DENND1A: variants seen among roughly 807,000 people sequenced by gnomAD.
DENND1A encodes DENN domain-containing protein 1A.
In DENND1A, 51 loss-of-function variants were observed where a neutral mutation model predicts 113.7. The ratio of observed to expected loss-of-function variants is 0.45; its 90% CI spans 0.36 to 0.57. DENND1A has a LOEUF of 0.57. DENND1A is among the 20% of genes least tolerant of loss of function. The pLI, the probability that DENND1A is intolerant of heterozygous loss-of-function variation, is 0.00. For missense variants in DENND1A, 1,258 were observed against 1,395.9 expected (o/e 0.90, Z 1.57); for synonymous variants, 565 against 570.8 (o/e 0.99, Z 0.14).
chr9:123,752,253 T>C (rs978834365), intron 5 of DENND1A, among the ~76,000 whole-genome samples: 5 of 152,206 alleles, frequency 3.3e-5, no homozygotes, highest in East Asian at 1.9e-4. Flanking sequence ...TTAAGGGACC[T>C]TGAAACAAGT....
chr9:123,507,825 AAAATAAATAAAT>A (rs35086659), intron 13 of DENND1A, among the ~76,000 whole-genome samples: 8 of 148,850 alleles, frequency 5.4e-5, no homozygotes, highest in East Asian at 3.9e-4. Context: ...AACCTATCTC[AAAATAAATAAAT>A]AAATAAATAA....
At chr9:123,386,384 T>TTC (rs1554792093) in intron 22 of DENND1A, among the ~76,000 whole-genome samples, 106 of 148,352 alleles carry the variant, frequency 7.1e-4, no homozygotes, top group African/African-American at 2.4e-3. Flanking sequence ...TTTCTTTCTT[T>TTC]TTTTTTTTTT....
At position 123,422,213 on chromosome 9, in the gene DENND1A, G is replaced by C. The variant is rs2045364090; in HGVS notation, c.1489-10384C>G. ...GTGGGGAACTAGCATCAAATTATCA[G>C]TGAAGCCATCACCCAGCATCTGAAT... On this transcript the variant is annotated intron_variant, in intron 19 of 23. Coordinates refer to ENST00000394215, the MANE Select transcript of DENND1A (RefSeq NM_001352964.2). The surrounding 1 kb of genome is among the most constrained non-coding windows in gnomAD (Gnocchi z 4.8). 6.6e-6 allele frequency among the ~76,000 whole-genome samples: 1 copy of C among 152,180 alleles called. No homozygotes were observed. Among genetic ancestry groups the C allele is most frequent in the South Asian group, 2.1e-4 (1 of 4,828 alleles).
intron 2 of DENND1A, among the ~76,000 whole-genome samples, chr9:123,818,181 T>C (rs1208772084): frequency 1.3e-5 from 2 of 151,918 alleles, no homozygotes; most frequent in Non-Finnish European, 2.9e-5. Context: ...CTCGGCTCAC[T>C]GCAAGCTCCG....
At chr9:123,898,135 G>A (rs1234112900) in intron 1 of DENND1A, among the ~76,000 whole-genome samples, 1 of 152,062 alleles carries the variant, frequency 6.6e-6, no homozygotes, top group African/African-American at 2.4e-5. Context: ...TCTATTGGGG[G>A]TGTAGGAGCT....
At chr9:123,410,128 G>A (rs2131492138) in intron 20 of DENND1A, among the ~76,000 whole-genome samples, 1 of 152,296 alleles carries the variant, frequency 6.6e-6, no homozygotes, top group East Asian at 1.9e-4. Flanking sequence ...CTCTTACTGT[G>A]TGTGTTCTGC....
At chr9:123,615,630 A>C (rs1469068732) in intron 10 of DENND1A, among the ~76,000 whole-genome samples, 1 of 152,164 alleles carries the variant, frequency 6.6e-6, no homozygotes, top group African/African-American at 2.4e-5. Context: ...AGTCCTACTG[A>C]AGCCATGCTG....
At chr9:123,844,647 A>C (rs190677792) in intron 2 of DENND1A, among the ~76,000 whole-genome samples, 11 of 152,290 alleles carry the variant, frequency 7.2e-5, no homozygotes, top group South Asian at 2.1e-4. Context: ...ATCCTCCCCA[A>C]ATGAATCTAC....
intron 13 of DENND1A, among the ~76,000 whole-genome samples, chr9:123,495,961 G>A (rs565693079): frequency 6.6e-6 from 1 of 152,344 alleles, no homozygotes; most frequent in Admixed American, 6.5e-5. Flanking sequence ...CCACTCAAAT[G>A]TCCTGAATGC....
chr9:123,728,780 T>A (rs538173851), intron 5 of DENND1A, among the ~76,000 whole-genome samples: 16 of 152,290 alleles, frequency 1.1e-4, no homozygotes, highest in East Asian at 5.8e-4. Context: ...ATCAGCATAA[T>A]CCTGATACCA....
intron 20 of DENND1A, among the ~76,000 whole-genome samples, chr9:123,407,253 G>C (rs1588372215): frequency 6.6e-6 from 1 of 152,154 alleles, no homozygotes; most frequent in South Asian, 2.1e-4. Context: ...TTGGTCACCA[G>C]CATGGCTGCC....
At position 123,667,049 on chromosome 9, in the gene DENND1A, C is replaced by T. The variant is rs771958156; in HGVS notation, c.484G>A (p.Glu162Lys). 1.3e-6 allele frequency: 2 copies of T among 1,598,114 alleles called. No individual in the cohort carries two copies. The highest frequency in any genetic ancestry group is 1.8e-5 in the Admixed American group (1 of 56,424). ...ACATTCTCAGGTATGCTGGGAAGTT[C>T]TCTGGTATCAGGCACAGTAAAATAA... Reference protein sequence around the residue: ...HSYFTVPDTRELPSIPENRNL... With the variant: ...HSYFTVPDTRKLPSIPENRNL... Residue 162 changes from glutamate to lysine, a missense_variant, in exon 8 of 24, where the codon GAA becomes AAA. By Grantham distance (56) the Glu-to-Lys change is moderately conservative. Around this residue, in one of 2 missense-constraint regions of DENND1A, gnomAD observed 1,159 missense variants for 1,231.7 expected, o/e 0.94. Coordinates refer to ENST00000394215, the MANE Select transcript of DENND1A (RefSeq NM_001352964.2).
At position 123,381,510 on chromosome 9, in the gene DENND1A, G is replaced by A. The variant is rs758541150; in HGVS notation, c.3135C>T (p.Asp1045=). 1.9e-5 allele frequency: 31 copies of A among 1,613,556 alleles called. No homozygotes were observed. The highest frequency in any genetic ancestry group is 6.7e-5 in the African/African-American group (5 of 74,886). Residue 1045 remains aspartate, a synonymous_variant, in exon 24 of 24, where the codon GAC becomes GAT. Coordinates refer to ENST00000394215, the MANE Select transcript of DENND1A (RefSeq NM_001352964.2). This position sits in a 1 kb window ranked among gnomAD's most constrained non-coding sequence, Gnocchi z 4.7. Reference sequence around the variant, plus strand: ...GGGCCAGGGCCGGACTCGGGCTCACGTCTTGCTTGGTTTTCTGTAACAAAT... The same window carrying A: ...GGGCCAGGGCCGGACTCGGGCTCACATCTTGCTTGGTTTTCTGTAACAAAT... ...FEDLLQKTKQ[D]VSPSPALAPA... is the part of the protein sequence containing the mutation.
chr9:123,760,150 T>C (rs1235342329), intron 4 of DENND1A, among the ~76,000 whole-genome samples: 1 of 152,220 alleles, frequency 6.6e-6, no homozygotes, highest in Non-Finnish European at 1.5e-5. Context: ...GGTAAAATAG[T>C]CAAATCTATG....
rs541745546 is a variant in DENND1A at position 123,519,847 on chromosome 9, G to A, written c.993+37723C>T. Among the ~76,000 whole-genome samples, 264 of 152,182 alleles carry A rather than the reference G, an allele frequency of 1.7e-3. 1 individual carries two copies. Among genetic ancestry groups the A allele is most frequent in the African/African-American group, 6.2e-3 (259 of 41,528 alleles). On this transcript the variant is annotated intron_variant, in intron 13 of 23. Transcript: ENST00000394215. ...GAGAAGTCACCAGGAGAGCATCTGG[G>A]AAAGCCCTTCTGAATCTTAAGAAAT...
At chr9:123,819,571 G>T (rs185855425) in intron 2 of DENND1A, among the ~76,000 whole-genome samples, 7 of 152,220 alleles carry the variant, frequency 4.6e-5, no homozygotes, top group African/African-American at 1.7e-4. Flanking sequence ...TTGCCCAGGT[G>T]GGGGTTCAGT....
intron 5 of DENND1A, among the ~76,000 whole-genome samples, chr9:123,713,979 C>CT (rs1343425988): frequency 5.3e-5 from 8 of 152,058 alleles, no homozygotes; most frequent in Non-Finnish European, 1.0e-4. Context: ...CATGATGCCC[C>CT]TTATAAGAGC....
intron 9 of DENND1A, among the ~76,000 whole-genome samples, chr9:123,634,958 T>C (rs576351222): frequency 1.7e-4 from 26 of 152,364 alleles, no homozygotes; most frequent in African/African-American, 6.0e-4. Context: ...CAAGGTCATT[T>C]ATATCTCAGA....
intron 11 of DENND1A, among the ~76,000 whole-genome samples, chr9:123,601,773 T>G (rs1011112363): frequency 1.3e-5 from 2 of 152,238 alleles, no homozygotes; most frequent in Admixed American, 6.5e-5. Flanking sequence ...TTTATGTGGA[T>G]AATATCAATT....
Sources: allele counts gnomAD v4.1 joint callset (sites outside exome capture counted in the v4.1 genomes callset), GRCh38; gene constraint gnomAD v4.1.1; regional missense constraint gnomAD v4.1.1; non-coding constraint Gnocchi (gnomAD v3.1); transcripts MANE v1.5; gene names NCBI Gene and HGNC (gene_info 2026-07-23, HGNC 2026-07-21).